Variants in ADAMTS16 observed in about 807,000 individuals in gnomAD.
ADAMTS16 encodes ADAM metallopeptidase with thrombospondin type 1 motif 16.
A neutral mutation model predicts 145.8 loss-of-function variants in ADAMTS16; 94 were observed. The ratio of observed to expected loss-of-function variants is 0.64; its 90% confidence interval spans 0.55 to 0.77. The LOEUF is 0.77. Among genes scored for constraint, ADAMTS16 ranks in the 30% least tolerant of loss-of-function variants. The probability of loss-of-function intolerance (pLI) is 0.00; values close to 1 mark genes in which losing one functional copy is unlikely to be tolerated. For missense variants in ADAMTS16, 1,585 were observed against 1,591.5 expected (o/e 1.00, Z 0.07); for synonymous variants, 659 against 604.3 (o/e 1.09, Z -1.33).
At chr5:5,232,228 G>A (rs1736948248) in intron 11 of ADAMTS16, 140 bp from the exon 12 acceptor site, 2 of 799,580 alleles carry the variant, frequency 2.5e-6, no homozygotes, top group Admixed American at 6.3e-5. Flanking sequence ...TTTATATTAG[G>A]TGCTGCTTGA....
intron 16 of ADAMTS16, 105 bp downstream of exon 16, chr5:5,240,030 A>G (rs879199336): frequency 1.3e-6 from 2 of 1,499,658 alleles, no homozygotes; most frequent in Admixed American, 4.1e-5. Context: ...GTAAACAGTT[A>G]TAAAAAGAGT....
In ADAMTS16 at chr5:5,317,960, C is replaced by T. The variant is rs1734120990; in HGVS notation, c.3412-174C>T. On this transcript the variant is annotated intron_variant, in intron 21 of 22. Coordinates refer to ENST00000274181, the MANE Select transcript of ADAMTS16 (RefSeq NM_139056.4). This position sits in a 1 kb window ranked among gnomAD's most constrained non-coding sequence, Gnocchi z 4.5. The stretch of plus-strand genomic sequence containing the variant: ...TGCTTCTGGAAAAGGTGAGCAGGGA[C>T]CGTGCTCACTCGCGCACATCGTGGC... Among the ~76,000 whole-genome samples, 1 of 152,220 alleles carries T rather than the reference C, an allele frequency of 6.6e-6. No individual in the cohort carries two copies. The highest frequency in any genetic ancestry group is 2.4e-5 in the African/African-American group (1 of 41,470).
At position 5,319,325 on chromosome 5, in the gene ADAMTS16, C is replaced by G; in HGVS notation, c.*187C>G. 1 of 576,786 alleles carries G rather than the reference C, an allele frequency of 1.7e-6. No individual in the cohort carries two copies. The highest frequency in any genetic ancestry group is 3.1e-6 in the Non-Finnish European group (1 of 320,818). 35.7% of individuals were successfully genotyped at this position (576,786 alleles called of 1,614,324 possible). ...TGTGAGCCTGGGTGCAGACCTGTGT[C>G]CCCATGCACACAGTGTCTCCTGTCA... On this transcript the variant is annotated 3_prime_UTR_variant, in exon 23 of 23. Transcript: ENST00000274181.
rs143490820 is a variant in ADAMTS16, at chr5:5,190,530, CTCTG to C, written c.1207+402_1207+405del. Among the ~76,000 whole-genome samples the C allele has an allele frequency of 5.3e-5, 8 of 152,068 alleles. No individual in the cohort carries two copies. In the East Asian group the frequency reaches 1.6e-3, roughly 29 times the overall value. ...ATATTTCCTGTTTTTTCCCTTCTCT[CTCTG>C]TATCTCAATCTTAGCAATGTTTTAG... is the stretch of plus-strand genomic sequence containing the variant. On this transcript the variant is annotated intron_variant, in intron 7 of 22. Coordinates refer to ENST00000274181, the MANE Select transcript of ADAMTS16 (RefSeq NM_139056.4).
chr5:5,277,015 A>G (rs1483609583), intron 18 of ADAMTS16, among the ~76,000 whole-genome samples: 1 of 152,238 alleles, frequency 6.6e-6, no homozygotes, highest in Non-Finnish European at 1.5e-5. Flanking sequence ...GAAACATTGC[A>G]GTCTTTTAAA....
chr5:5,295,007 T>A (rs1432897280), intron 18 of ADAMTS16, among the ~76,000 whole-genome samples: 5 of 152,046 alleles, frequency 3.3e-5, no homozygotes, highest in Non-Finnish European at 7.4e-5. Flanking sequence ...AAAAATTATT[T>A]AAAAAAAATG....
Position 5,232,513 on chromosome 5 carries a change from C to T in ADAMTS16, c.1847C>T (p.Pro616Leu). Reference sequence around the variant, plus strand: ...CATAGGAGTCGCCTCTGCACCAACCCCAAGTAAGTATGCCTTGACCTCCTT... The same window carrying T: ...CATAGGAGTCGCCTCTGCACCAACCTCAAGTAAGTATGCCTTGACCTCCTT... ...VSHRSRLCTN[P>L]KPSHGGKFCE... The change falls in exon 12 of 23, where the codon CCC becomes CTC. Residue 616 changes from proline to leucine, a missense_variant. This residue lies in a region of ADAMTS16 where 834 missense variants were observed against 811.7 expected (regional missense o/e 1.03). Coordinates refer to ENST00000274181, the MANE Select transcript of ADAMTS16 (RefSeq NM_139056.4). The T allele has an allele frequency of 1.2e-6, 2 of 1,613,346 alleles. No homozygotes were observed. Among genetic ancestry groups the T allele is most frequent in the Non-Finnish European group, 8.5e-7 (1 of 1,179,888 alleles).
intron 12 of ADAMTS16, 123 bp from the exon 13 acceptor site, chr5:5,234,891 A>T: frequency 3.6e-6 from 2 of 553,130 alleles, no homozygotes; most frequent in East Asian, 5.0e-5. Context: ...AAAAAAAAGA[A>T]TCCACTTTTT....
At chr5:5,279,469 T>C (rs923326622) in intron 18 of ADAMTS16, among the ~76,000 whole-genome samples, 1 of 152,186 alleles carries the variant, frequency 6.6e-6, no homozygotes, top group African/African-American at 2.4e-5. Context: ...TACTTATTCC[T>C]GGTCTCTTAC....
chr5:5,153,879 C>T (rs948709777), intron 3 of ADAMTS16, among the ~76,000 whole-genome samples: 9 of 152,094 alleles, frequency 5.9e-5, no homozygotes, highest in African/African-American at 2.2e-4. Flanking sequence ...TTATTGTTTT[C>T]AAAAATGTTG....
rs550083055 is a variant in ADAMTS16 at position 5,317,663 on chromosome 5, G to T, written c.3412-471G>T. On this transcript the variant is annotated intron_variant, in intron 21 of 22. Coordinates refer to ENST00000274181, the MANE Select transcript of ADAMTS16 (RefSeq NM_139056.4). This position sits in a 1 kb window ranked among gnomAD's most constrained non-coding sequence, Gnocchi z 4.5. ...TCCACCCGCCTCAGCCTCCCAAAGTGCTGGGATTACAGGCATGAGCCACCG... is the reference window on the plus strand; with the variant it reads ...TCCACCCGCCTCAGCCTCCCAAAGTTCTGGGATTACAGGCATGAGCCACCG... 4.7e-4 allele frequency among the ~76,000 whole-genome samples: 72 copies of T among 152,220 alleles called. No homozygotes were observed. The highest frequency in any genetic ancestry group is 9.3e-4 in the Non-Finnish European group (63 of 68,022).
intron 3 of ADAMTS16, among the ~76,000 whole-genome samples, chr5:5,168,595 TA>T (rs1734949431): frequency 4.2e-5 from 3 of 70,980 alleles, no homozygotes; most frequent in Non-Finnish European, 5.9e-5. Context: ...ATATTATATA[TA>T]ATATATAATT....
chr5:5,257,380 A>G (rs2964407), intron 17 of ADAMTS16, among the ~76,000 whole-genome samples: 145,383 of 152,050 alleles, frequency 0.96, 69,729 homozygotes, highest in Non-Finnish European at 1. Flanking sequence ...AATGAATAAC[A>G]CATGCACTCT....
intron 10 of ADAMTS16, among the ~76,000 whole-genome samples, chr5:5,213,517 A>G (rs1736332656): frequency 6.6e-6 from 1 of 152,134 alleles, no homozygotes; most frequent in Admixed American, 6.5e-5. Context: ...CTTGAATAGT[A>G]TATTATTTTA....
chr5:5,169,700 G>C (rs1734997083), intron 3 of ADAMTS16, among the ~76,000 whole-genome samples: 1 of 152,160 alleles, frequency 6.6e-6, no homozygotes, highest in Non-Finnish European at 1.5e-5. Context: ...CCATTCACGG[G>C]CTTCTTCTGT....
At chr5:5,188,037 G>T (rs997170019) in intron 6 of ADAMTS16, among the ~76,000 whole-genome samples, 7 of 151,948 alleles carry the variant, frequency 4.6e-5, no homozygotes, top group Non-Finnish European at 1.0e-4. Flanking sequence ...TCCTTTAATT[G>T]GCCTGTAAGA....
At chr5:5,238,577 T>C (rs1737183035) in intron 14 of ADAMTS16, among the ~76,000 whole-genome samples, 1 of 150,176 alleles carries the variant, frequency 6.7e-6, no homozygotes, top group Non-Finnish European at 1.5e-5. Context: ...GTAGTTATTT[T>C]GCTTCTGAAT....
intron 18 of ADAMTS16, among the ~76,000 whole-genome samples, chr5:5,294,374 G>A (rs1403881574): frequency 7.9e-5 from 12 of 152,172 alleles, no homozygotes; most frequent in Admixed American, 7.9e-4. Context: ...GTGATTGTGG[G>A]GACTGGCAAG....
In ADAMTS16 at chr5:5,262,840, A is replaced by C. The variant is rs967153211; in HGVS notation, c.2789+57A>C. ...TCCCAGTTTGCAGACGTGCTCAGCG[A>C]GTCTTGCAGCTCCTGATTTCGAGAG... On this transcript the variant is annotated intron_variant, in intron 18 of 22. Transcript: ENST00000274181. The C allele has an allele frequency of 8.8e-6, 14 of 1,595,378 alleles. No homozygotes were observed. In the African/African-American group the frequency reaches 1.9e-4, roughly 21 times the overall value.
Sources: gnomAD v4.1 joint callset for allele counts (sites outside exome capture counted in the v4.1 genomes callset) on GRCh38, gnomAD v4.1.1 for gene constraint, gnomAD v4.1.1 regional missense constraint, Gnocchi (gnomAD v3.1) non-coding constraint, MANE v1.5 for transcripts, NCBI Gene and HGNC (gene_info 2026-07-23, HGNC 2026-07-21) for gene names.